Variants in CLSTN2 observed in about 807,000 individuals in gnomAD.
CLSTN2 encodes the protein calsyntenin-2.
Under a neutral mutation model 101.2 loss-of-function variants are expected in CLSTN2, and 48 were observed. That is an observed-to-expected ratio of 0.47 (90% CI 0.38 to 0.60). CLSTN2 has a LOEUF of 0.60. Among genes scored for constraint, CLSTN2 ranks in the 20% least tolerant of loss-of-function variants. The pLI is 0.00. For missense variants in CLSTN2, 1,160 were observed against 1,238.2 expected (o/e 0.94, Z 0.95); for synonymous variants, 481 against 463.6 (o/e 1.04, Z -0.48).
chr3:140,382,170 A>G (rs2087992884), intron 2 of CLSTN2, among the ~76,000 whole-genome samples: 1 of 152,078 alleles, frequency 6.6e-6, no homozygotes, highest in African/African-American at 2.4e-5. Flanking sequence ...TTTCCTGTTT[A>G]TTTCCATCCT....
intron 1 of CLSTN2, among the ~76,000 whole-genome samples, chr3:140,157,532 T>A (rs570702489): frequency 6.6e-6 from 1 of 152,328 alleles, no homozygotes; most frequent in East Asian, 1.9e-4. Flanking sequence ...TGCATAGAGT[T>A]GTTCGTAATA....
At chr3:140,371,521 C>A (rs756038638) in intron 2 of CLSTN2, among the ~76,000 whole-genome samples, 16 of 152,178 alleles carry the variant, frequency 1.1e-4, no homozygotes, top group Admixed American at 1.3e-4. Flanking sequence ...GTAAATCAGC[C>A]CCTGAGGCCC....
At chr3:139,965,910 T>A (rs1327741907) in intron 1 of CLSTN2, among the ~76,000 whole-genome samples, 1 of 152,196 alleles carries the variant, frequency 6.6e-6, no homozygotes, top group Non-Finnish European at 1.5e-5. Context: ...ACTTGCCCCG[T>A]CAACCCGTTA....
At chr3:140,512,330 C>T (rs1201673561) in intron 8 of CLSTN2, among the ~76,000 whole-genome samples, 1 of 151,926 alleles carries the variant, frequency 6.6e-6, no homozygotes, top group Non-Finnish European at 1.5e-5. Context: ...TAGTTTTCTG[C>T]ATATGGCTAG....
At chr3:140,291,513 C>T (rs1482839604) in intron 2 of CLSTN2, among the ~76,000 whole-genome samples, 1 of 152,052 alleles carries the variant, frequency 6.6e-6, no homozygotes, top group African/African-American at 2.4e-5. Context: ...ACTTCCTTCT[C>T]AGTTGTCTTT....
intron 4 of CLSTN2, among the ~76,000 whole-genome samples, chr3:140,417,416 G>A (rs1185340706): frequency 6.6e-6 from 1 of 152,018 alleles, no homozygotes; most frequent in African/African-American, 2.4e-5. Flanking sequence ...CTCCCAAAAG[G>A]TATAAGCAAT....
In CLSTN2 at chr3:140,558,593, G is replaced by A. The variant is rs6780702; in HGVS notation, c.1824-47G>A. 1.1e-3 allele frequency: 1,662 copies of A among 1,521,382 alleles called. 18 individuals are homozygous for A. In the African/African-American group the frequency reaches 0.019, roughly 17 times the overall value. 94.2% of individuals were successfully genotyped at this position (1,521,382 alleles called of 1,614,324 possible). A position where few individuals can be genotyped will look rare whatever the true frequency, so the allele number is the denominator to read the frequency against. On this transcript the variant is annotated intron_variant, in intron 11 of 16. Transcript: ENST00000458420. The stretch of plus-strand genomic sequence containing the variant: ...CTTGTTCCTGGCTGTATGACAGATG[G>A]TTTAATTGTTTGCTCATCAGTGCCA...
intron 2 of CLSTN2, among the ~76,000 whole-genome samples, chr3:140,220,557 A>G (rs1280257590): frequency 6.6e-6 from 1 of 152,188 alleles, no homozygotes; most frequent in African/African-American, 2.4e-5. Flanking sequence ...TGTTATTATT[A>G]CCTGAATAAC....
chr3:140,550,190 T>A (rs935614618), intron 10 of CLSTN2, among the ~76,000 whole-genome samples: 1 of 151,520 alleles, frequency 6.6e-6, no homozygotes, highest in African/African-American at 2.4e-5. Flanking sequence ...ATTAACCATG[T>A]TTAGGTGTTT....
chr3:140,240,377 CA>C (rs11328582), intron 2 of CLSTN2, among the ~76,000 whole-genome samples: 143,070 of 147,580 alleles, frequency 0.97, 69,483 homozygotes, highest in East Asian at 1. Flanking sequence ...GTTACATGAA[CA>C]AAAAAAAAAG....
At chr3:139,952,127 G>T (rs1935305734) in intron 1 of CLSTN2, among the ~76,000 whole-genome samples, 1 of 152,114 alleles carries the variant, frequency 6.6e-6, no homozygotes, top group African/African-American at 2.4e-5. Context: ...AGTGACATTT[G>T]GTAGTTCTGT....
chr3:140,221,868 G>A (rs1381597864), intron 2 of CLSTN2, among the ~76,000 whole-genome samples: 4 of 152,092 alleles, frequency 2.6e-5, no homozygotes, highest in Admixed American at 2.0e-4. Flanking sequence ...CACTATTGGT[G>A]GGAAAGTAAA....
chr3:139,977,196 C>T (rs1336990716), intron 1 of CLSTN2, among the ~76,000 whole-genome samples: 1 of 152,164 alleles, frequency 6.6e-6, no homozygotes, highest in Non-Finnish European at 1.5e-5. Context: ...TCATCCCCAC[C>T]ACATCTCTTC....
At chr3:140,536,729 C>A (rs542452509) in intron 9 of CLSTN2, among the ~76,000 whole-genome samples, 1 of 152,236 alleles carries the variant, frequency 6.6e-6, no homozygotes, top group South Asian at 2.1e-4. Flanking sequence ...TAAAATTGGG[C>A]TTTATAGAAT....
chr3:140,032,167 T>TG (rs2007566821), intron 1 of CLSTN2, among the ~76,000 whole-genome samples: 1 of 152,052 alleles, frequency 6.6e-6, no homozygotes, highest in Non-Finnish European at 1.5e-5. Flanking sequence ...ACAGACTTAT[T>TG]GGGGAGAAAA....
chr3:139,994,672 C>T (rs974348990), intron 1 of CLSTN2, among the ~76,000 whole-genome samples: 1 of 152,180 alleles, frequency 6.6e-6, no homozygotes, highest in Non-Finnish European at 1.5e-5. Flanking sequence ...CTGCCAGCCT[C>T]TGATCCTGTT....
chr3:140,533,984 T>C lies in CLSTN2; in HGVS notation c.1507+1498T>C, dbSNP rs191256098. Among the ~76,000 whole-genome samples, 19 of 152,244 alleles carry C rather than the reference T, an allele frequency of 1.2e-4. 1 individual carries two copies. In the Middle Eastern group the frequency reaches 0.01, roughly 82 times the overall value. On this transcript the variant is annotated intron_variant, in intron 9 of 16. Coordinates refer to ENST00000458420, the MANE Select transcript of CLSTN2 (RefSeq NM_022131.3). The stretch of plus-strand genomic sequence containing the variant: ...ACTTGTGTCACATGATAGCAAAATG[T>C]TTATTAAATATTTCAGTAGAGCTTG...
intron 8 of CLSTN2, among the ~76,000 whole-genome samples, chr3:140,475,671 A>G (rs1933967448): frequency 6.6e-6 from 1 of 151,962 alleles, no homozygotes; most frequent in Admixed American, 6.5e-5. Flanking sequence ...ATGATTCTAC[A>G]TTTCTCCCCT....
intron 1 of CLSTN2, among the ~76,000 whole-genome samples, chr3:140,039,407 C>G (rs2007719154): frequency 1.3e-5 from 2 of 152,136 alleles, no homozygotes. Flanking sequence ...CCATTGCTGT[C>G]CCACTGTTAG....
Sources: gnomAD v4.1 joint callset for allele counts (sites outside exome capture counted in the v4.1 genomes callset) on GRCh38, gnomAD v4.1.1 for gene constraint, MANE v1.5 for transcripts, NCBI Gene and HGNC (gene_info 2026-07-23, HGNC 2026-07-21) for gene names.